Variants in NFE2L3 observed in about 807,000 individuals in gnomAD.
The protein encoded by NFE2L3 is nuclear factor erythroid 2-related factor 3.
NFE2L3 carries 18 observed loss-of-function variants against 23.5 expected under a neutral mutation model. That is an observed-to-expected ratio of 0.77 (90% CI 0.53 to 1.13). The LOEUF (loss-of-function observed/expected upper bound fraction) is 1.13, where lower values mean the gene tolerates loss of function less well. Among genes scored for constraint, NFE2L3 ranks in the 50% most tolerant of loss-of-function variants. The probability of loss-of-function intolerance (pLI) is 0.00; values close to 1 mark genes in which losing one functional copy is unlikely to be tolerated. For missense variants in NFE2L3, 1,152 were observed against 877.2 expected, an observed-to-expected ratio of 1.31 and a Z score of -3.96; for synonymous variants, 424 against 354.5, an observed-to-expected ratio of 1.20 and a Z score of -2.20.
chr7:26,183,920 A>G, intron 3 of NFE2L3, 136 bp downstream of exon 3: 1 of 630,310 alleles, frequency 1.6e-6, no homozygotes, highest in Non-Finnish European at 2.8e-6. Context: ...TTCAGCTTAG[A>G]ATTAACCAAA....
Position 26,158,468 on chromosome 7 carries a change from T to C in NFE2L3, c.570+5400T>C, listed in dbSNP as rs936364555. Among the ~76,000 whole-genome samples the C allele has an allele frequency of 4.6e-5, 7 of 152,304 alleles. No homozygotes were observed. The East Asian group carries it at 1.4e-3, about 29-fold the overall frequency. ...CTTGGGGTGTTCAGCTTGCTTATGA[T>C]TAAAAGCTAACTGAGCTGTTTCTGA... On this transcript the variant is annotated intron_variant, in intron 1 of 3. Coordinates refer to ENST00000056233, the MANE Select transcript of NFE2L3 (RefSeq NM_004289.7).
rs12666283 is a variant in NFE2L3, at chr7:26,175,515, C to T, written c.571-2428C>T. On this transcript the variant is annotated intron_variant, in intron 1 of 3. Coordinates refer to ENST00000056233, the MANE Select transcript of NFE2L3 (RefSeq NM_004289.7). ...AGTTTCCGCCGGGTGCGGTGGCTCACGCCTGTAATCCCAGCACTTTGGGAG... is the reference window on the plus strand; with the variant it reads ...AGTTTCCGCCGGGTGCGGTGGCTCATGCCTGTAATCCCAGCACTTTGGGAG... Among the ~76,000 whole-genome samples, 1,408 of 151,074 alleles carry T rather than the reference C, an allele frequency of 9.3e-3. 50 individuals carry two copies. In the East Asian group the frequency reaches 0.11, roughly 11 times the overall value.
chr7:26,157,345 T>A (rs1341902111), intron 1 of NFE2L3, among the ~76,000 whole-genome samples: 184 of 143,066 alleles, frequency 1.3e-3, no homozygotes, highest in African/African-American at 1.7e-3. Context: ...TTCTGGCTGA[T>A]TTTTTTTTTT....
chr7:26,176,428 T>G (rs1203618300), intron 1 of NFE2L3, among the ~76,000 whole-genome samples: 3 of 152,082 alleles, frequency 2.0e-5, no homozygotes, highest in Admixed American at 1.3e-4. Context: ...ACTTGGAAGA[T>G]TGCACAGCAG....
intron 1 of NFE2L3, among the ~76,000 whole-genome samples, chr7:26,175,778 CAA>C (rs766870480): frequency 2.0e-4 from 16 of 80,344 alleles, no homozygotes; most frequent in African/African-American, 2.2e-4. Context: ...GACTCTGTCT[CAA>C]AAAAAAAAAA....
rs140503381 is a variant in NFE2L3, at chr7:26,187,024, T to C, written c.*1241T>C. The C allele has an allele frequency of 4.6e-5, 7 of 152,334 alleles. No homozygotes were observed. Among genetic ancestry groups the C allele is most frequent in the Admixed American group, 2.0e-4 (3 of 15,302 alleles). The allele number at this position is 152,334 out of a possible 1,614,324, so 9.4% of individuals were successfully genotyped here. On this transcript the variant is annotated 3_prime_UTR_variant, in exon 4 of 4. Coordinates refer to ENST00000056233, the MANE Select transcript of NFE2L3 (RefSeq NM_004289.7). ...AGTTTCTCAGATATTATTTCTGCCA[T>C]AGGAGCTACAGTGTAGAGTATCACA...
At chr7:26,182,962 T>C (rs1426063380) in intron 2 of NFE2L3, among the ~76,000 whole-genome samples, 1 of 152,010 alleles carries the variant, frequency 6.6e-6, no homozygotes, top group African/African-American at 2.4e-5. Flanking sequence ...ACCCAGCTAA[T>C]TTAATTTGTA....
rs1318015760 is a variant in NFE2L3, at chr7:26,153,084, G to T, written c.570+16G>T. 1 of 1,512,336 alleles carries T rather than the reference G, an allele frequency of 6.6e-7. No homozygotes were observed. Among genetic ancestry groups the T allele is most frequent in the South Asian group, 1.2e-5 (1 of 82,158 alleles). The allele number at this position is 1,512,336 out of a possible 1,614,324, so 93.7% of individuals were successfully genotyped here. On this transcript the variant is annotated intron_variant, in intron 1 of 3. Coordinates refer to ENST00000056233, the MANE Select transcript of NFE2L3 (RefSeq NM_004289.7). ...TGCGAGCGAGGTAGGTGCAGAGCGG[G>T]AAGCGAGCGAAGTGCGGCGTCTACG...
chr7:26,171,954 A>G (rs761468629), intron 1 of NFE2L3, among the ~76,000 whole-genome samples: 1 of 152,286 alleles, frequency 6.6e-6, no homozygotes, highest in Non-Finnish European at 1.5e-5. Flanking sequence ...TACTCAATTT[A>G]AAATGACTGA....
intron 2 of NFE2L3, among the ~76,000 whole-genome samples, chr7:26,180,159 G>C (rs1206172267): frequency 6.6e-6 from 1 of 152,066 alleles, no homozygotes; most frequent in African/African-American, 2.4e-5. Context: ...GCAAAAACAG[G>C]ACACTAAGCT....
intron 3 of NFE2L3, chr7:26,184,118 C>T (rs955608739): frequency 8.3e-6 from 3 of 363,186 alleles, no homozygotes; most frequent in East Asian, 5.7e-5. Context: ...TTCACAATAG[C>T]CTTGTAGTTT....
At chr7:26,167,749 T>C (rs533918222) in intron 1 of NFE2L3, among the ~76,000 whole-genome samples, 5 of 152,208 alleles carry the variant, frequency 3.3e-5, no homozygotes, top group African/African-American at 1.2e-4. Context: ...AGATAATAAT[T>C]ACTGGCTACT....
At chr7:26,170,203 T>C (rs1784314938) in intron 1 of NFE2L3, among the ~76,000 whole-genome samples, 1 of 152,234 alleles carries the variant, frequency 6.6e-6, no homozygotes, top group Non-Finnish European at 1.5e-5. Context: ...TCAAGACTGA[T>C]GTGACATGGT....
chr7:26,184,017 A>AAAACT, intron 3 of NFE2L3: 1 of 511,792 alleles, frequency 2.0e-6, no homozygotes. Flanking sequence ...GATTTCTCAA[A>AAAACT]AAACTAAAAG....
chr7:26,158,371 G>T lies in NFE2L3; in HGVS notation c.570+5303G>T, dbSNP rs540722789. Among the ~76,000 whole-genome samples the T allele has an allele frequency of 3.9e-5, 6 of 152,256 alleles. No individual in the cohort carries two copies. The South Asian group carries it at 1.0e-3, about 26-fold the overall frequency. ...ATGGACCCAGTTTCCAAAGTATGGG[G>T]GTTAGGAGTTCAACATGAATTTTGG... On this transcript the variant is annotated intron_variant, in intron 1 of 3. Coordinates refer to ENST00000056233, the MANE Select transcript of NFE2L3 (RefSeq NM_004289.7).
intron 1 of NFE2L3, among the ~76,000 whole-genome samples, chr7:26,154,027 G>T (rs1784041494): frequency 6.6e-6 from 1 of 152,208 alleles, no homozygotes; most frequent in South Asian, 2.1e-4. Context: ...TGCAAAATGG[G>T]AATTGGGGCT....
At position 26,184,551 on chromosome 7, in the gene NFE2L3, ATTCCTCTTCCAGGCAG is replaced by A. The variant is rs752702573; in HGVS notation, c.855_870del (p.Pro286SerfsTer5). 4 of 1,611,722 alleles carry A rather than the reference ATTCCTCTTCCAGGCAG, an allele frequency of 2.5e-6. No homozygotes were observed. The highest frequency in any genetic ancestry group is 3.4e-6 in the Non-Finnish European group (4 of 1,178,492). ...TTTTCAGGGCATCTCATTGGGAGAT[ATTCCTCTTCCAGGCAG>A]TATCAGTGATGGCATGAATTCTTCA... On this transcript the variant is annotated frameshift_variant, in exon 4 of 4. Transcript: ENST00000056233. LOFTEE classifies it low-confidence loss of function (END_TRUNC).
In NFE2L3 at chr7:26,153,092, C is replaced by T. The variant is rs913528257; in HGVS notation, c.570+24C>T. On this transcript the variant is annotated intron_variant, in intron 1 of 3. Coordinates refer to ENST00000056233, the MANE Select transcript of NFE2L3 (RefSeq NM_004289.7). ...AGGTAGGTGCAGAGCGGGAAGCGAG[C>T]GAAGTGCGGCGTCTACGCCGCCGGG... 4 of 1,505,832 alleles carry T rather than the reference C, an allele frequency of 2.7e-6. 1 individual carries two copies. The highest frequency in any genetic ancestry group is 3.5e-6 in the Non-Finnish European group (4 of 1,132,662). 93.3% of individuals were successfully genotyped at this position (1,505,832 alleles called of 1,614,324 possible).
rs1411648237 is a variant in NFE2L3 at position 26,152,743 on chromosome 7, A to T, written c.245A>T (p.Asp82Val). Reference sequence around the variant, plus strand: ...TTGCACCCCAAGGGCCGGGAGCTGGACCCTGCCGCGCCGCCCGAGGGCCAG... The same window carrying T: ...TTGCACCCCAAGGGCCGGGAGCTGGTCCCTGCCGCGCCGCCCGAGGGCCAG... ...GHLHPKGREL[D>V]PAAPPEGQLL... The change falls in exon 1 of 4, where the codon GAC (aspartate) becomes GTC (valine). Residue 82 changes from aspartate (D) to valine (V), a missense_variant. By Grantham distance (152) the Asp-to-Val change is radical. Transcript: ENST00000056233. The surrounding 1 kb of genome is among the most constrained non-coding windows in gnomAD (Gnocchi z 4.4). The T allele has an allele frequency of 6.8e-7, 1 of 1,472,292 alleles. No homozygotes were observed. The highest frequency in any genetic ancestry group is 8.9e-7 in the Non-Finnish European group (1 of 1,119,692). The allele number at this position is 1,472,292 out of a possible 1,614,324, so 91.2% of individuals were successfully genotyped here. A position where few individuals can be genotyped will look rare whatever the true frequency, so the allele number is the denominator to read the frequency against.
Sources: gnomAD v4.1 joint callset for allele counts (sites outside exome capture counted in the v4.1 genomes callset) on GRCh38, gnomAD v4.1.1 for gene constraint, Gnocchi (gnomAD v3.1) non-coding constraint, MANE v1.5 for transcripts, NCBI Gene and HGNC (gene_info 2026-07-23, HGNC 2026-07-21) for gene names.